SGCZ: variants seen among roughly 807,000 people sequenced by gnomAD.
SGCZ encodes sarcoglycan zeta, also known as zeta-sarcoglycan.
Under a neutral mutation model 41.3 loss-of-function variants are expected in SGCZ, and 40 were observed. The observed-to-expected ratio is 0.97, with a 90% CI of 0.75 to 1.26. The LOEUF is 1.26. Among genes scored for constraint, SGCZ ranks in the 50% most tolerant of loss-of-function variants. SGCZ has a pLI of 0.00. For synonymous variants in SGCZ, 206 were observed against 137.5 expected (o/e 1.50, Z -3.49); for missense variants, 552 against 369.8 (o/e 1.49, Z -4.04).
rs190760388 is a variant in SGCZ at position 14,637,110 on chromosome 8, T to A, written c.40-82184A>T. Among the ~76,000 whole-genome samples the A allele has an allele frequency of 5.3e-5, 8 of 151,600 alleles. No homozygotes were observed. In the East Asian group the frequency reaches 1.6e-3, roughly 30 times the overall value. On this transcript the variant is annotated intron_variant, in intron 1 of 7. Coordinates refer to ENST00000382080, the MANE Select transcript of SGCZ (RefSeq NM_139167.4). ...CTCCACCTATCATTTTTTGCTCCTTTCCTTAAAGAATTTCTCATACCTCTG... is the reference window on the plus strand; with the variant it reads ...CTCCACCTATCATTTTTTGCTCCTTACCTTAAAGAATTTCTCATACCTCTG...
intron 1 of SGCZ, among the ~76,000 whole-genome samples, chr8:14,828,261 G>C (rs912383452): frequency 6.6e-6 from 1 of 152,168 alleles, no homozygotes; most frequent in East Asian, 1.9e-4. Flanking sequence ...TGATATTGAA[G>C]ATGAAGCCTG....
intron 1 of SGCZ, among the ~76,000 whole-genome samples, chr8:15,122,583 CG>C (rs1807523629): frequency 6.6e-6 from 1 of 151,974 alleles, no homozygotes; most frequent in African/African-American, 2.4e-5. Context: ...AAGAAGACAG[CG>C]AATAAAAAGA....
At chr8:14,205,969 G>T (rs998514358) in intron 4 of SGCZ, among the ~76,000 whole-genome samples, 2 of 151,976 alleles carry the variant, frequency 1.3e-5, no homozygotes, top group Non-Finnish European at 2.9e-5. Flanking sequence ...TAAGAAAGTT[G>T]ACCAGATTTA....
intron 1 of SGCZ, among the ~76,000 whole-genome samples, chr8:15,205,250 A>G (rs928206327): frequency 1.3e-5 from 2 of 152,210 alleles, no homozygotes; most frequent in African/African-American, 2.4e-5. Context: ...AACCAAATTG[A>G]CAAGTGGGAT....
intron 1 of SGCZ, among the ~76,000 whole-genome samples, chr8:15,123,265 T>A (rs1271590065): frequency 6.6e-6 from 1 of 152,218 alleles, no homozygotes; most frequent in East Asian, 1.9e-4. Context: ...CAGTTCTTTT[T>A]CCTTGATAAA....
intron 2 of SGCZ, among the ~76,000 whole-genome samples, chr8:14,445,739 C>A (rs1445583467): frequency 6.6e-6 from 1 of 152,180 alleles, no homozygotes; most frequent in Non-Finnish European, 1.5e-5. Context: ...GGCAGCCTCC[C>A]CAGGTGATGT....
chr8:14,395,321 G>A (rs987367005), intron 2 of SGCZ, among the ~76,000 whole-genome samples: 1 of 152,134 alleles, frequency 6.6e-6, no homozygotes, highest in African/African-American at 2.4e-5. Context: ...AAAAGAGTAG[G>A]ATTCTGAAAC....
intron 1 of SGCZ, among the ~76,000 whole-genome samples, chr8:14,843,883 G>A (rs1191730759): frequency 4.0e-5 from 6 of 151,840 alleles, no homozygotes; most frequent in Non-Finnish European, 2.9e-5. Flanking sequence ...TCAAGAGAAG[G>A]CCACCCAAAT....
At chr8:14,926,974 G>C (rs1015027746) in intron 1 of SGCZ, among the ~76,000 whole-genome samples, 1 of 151,734 alleles carries the variant, frequency 6.6e-6, no homozygotes, top group Non-Finnish European at 1.5e-5. Flanking sequence ...GACATCAAAA[G>C]TCTTTCCTTA....
intron 2 of SGCZ, among the ~76,000 whole-genome samples, chr8:14,489,294 A>G (rs1801772705): frequency 6.6e-6 from 1 of 152,146 alleles, no homozygotes; most frequent in African/African-American, 2.4e-5. Flanking sequence ...TGTGTCTACA[A>G]TTTGGCATAT....
At chr8:14,224,480 C>T (rs1022877042) in intron 4 of SGCZ, among the ~76,000 whole-genome samples, 5 of 152,084 alleles carry the variant, frequency 3.3e-5, no homozygotes, top group Non-Finnish European at 7.4e-5. Context: ...GCTGCGCTGC[C>T]CTGGCTTTGT....
chr8:14,158,413 C>T (rs140678030), intron 5 of SGCZ, among the ~76,000 whole-genome samples: 67 of 152,224 alleles, frequency 4.4e-4, no homozygotes, highest in East Asian at 4.3e-3. Flanking sequence ...AATGTATTCC[C>T]AACAGCTATA....
Position 14,681,541 on chromosome 8 carries a change from C to G in SGCZ, c.40-126615G>C, listed in dbSNP as rs368668575. On this transcript the variant is annotated intron_variant, in intron 1 of 7. Coordinates refer to ENST00000382080, the MANE Select transcript of SGCZ (RefSeq NM_139167.4). ...ATGTTACCTTGCCTGGATCATGTTGCTCGGACTTCGAATGATATAAAGAGA... is the reference window on the plus strand; with the variant it reads ...ATGTTACCTTGCCTGGATCATGTTGGTCGGACTTCGAATGATATAAAGAGA... 1.7e-3 allele frequency among the ~76,000 whole-genome samples: 265 copies of G among 152,272 alleles called. 1 individual carries two copies. In the South Asian group the frequency reaches 0.02, roughly 12 times the overall value.
chr8:14,325,798 C>A lies in SGCZ; in HGVS notation c.235-1594G>T, dbSNP rs867715854. ...TATATATATATATATATATATCAACCAGCACATCCACAGAAAGGGATGAGG... is the reference window on the plus strand; with the variant it reads ...TATATATATATATATATATATCAACAAGCACATCCACAGAAAGGGATGAGG... On this transcript the variant is annotated intron_variant, in intron 2 of 7. Coordinates refer to ENST00000382080, the MANE Select transcript of SGCZ (RefSeq NM_139167.4). Among the ~76,000 whole-genome samples, 142 of 117,690 alleles carry A rather than the reference C, an allele frequency of 1.2e-3. 1 individual carries two copies. The highest frequency in any genetic ancestry group is 4.4e-3 in the African/African-American group (138 of 31,566). 77.2% of individuals were successfully genotyped at this position (117,690 alleles called of 152,430 possible). A position where few individuals can be genotyped will look rare whatever the true frequency, so the allele number is the denominator to read the frequency against.
Position 14,542,560 on chromosome 8 carries a change from C to T in SGCZ, c.234+12172G>A, listed in dbSNP as rs116333230. On this transcript the variant is annotated intron_variant, in intron 2 of 7. Transcript: ENST00000382080. ...TTGTCCATCCTGTTACTTAGAGCACCGAGCTATTTATACACAGATTCTATT... is the reference window on the plus strand; with the variant it reads ...TTGTCCATCCTGTTACTTAGAGCACTGAGCTATTTATACACAGATTCTATT... Among the ~76,000 whole-genome samples, 1,214 of 152,136 alleles carry T rather than the reference C, an allele frequency of 8.0e-3. 17 individuals are homozygous for T. Among genetic ancestry groups the T allele is most frequent in the African/African-American group, 0.028 (1,161 of 41,534 alleles).
chr8:14,813,392 A>C (rs1585283598), intron 1 of SGCZ, among the ~76,000 whole-genome samples: 1 of 152,342 alleles, frequency 6.6e-6, no homozygotes, highest in East Asian at 1.9e-4. Flanking sequence ...TGCAACCAAA[A>C]GCTTATGGAA....
At chr8:14,277,523 A>T (rs1209390047) in intron 3 of SGCZ, among the ~76,000 whole-genome samples, 4 of 152,156 alleles carry the variant, frequency 2.6e-5, no homozygotes, top group African/African-American at 9.7e-5. Flanking sequence ...CTGAAGGGTA[A>T]CCTTTTTATT....
chr8:14,297,093 T>C (rs1169860658), intron 3 of SGCZ, among the ~76,000 whole-genome samples: 1 of 152,058 alleles, frequency 6.6e-6, no homozygotes, highest in East Asian at 1.9e-4. Context: ...AGCTAATTTT[T>C]TGTATTTTTG....
chr8:14,476,454 A>G (rs1267321259), intron 2 of SGCZ, among the ~76,000 whole-genome samples: 1 of 151,928 alleles, frequency 6.6e-6, no homozygotes, highest in Non-Finnish European at 1.5e-5. Context: ...TAATATATAT[A>G]TGTATGCATG....
Sources: allele counts gnomAD v4.1 joint callset (sites outside exome capture counted in the v4.1 genomes callset), GRCh38; gene constraint gnomAD v4.1.1; transcripts MANE v1.5; gene names NCBI Gene and HGNC (gene_info 2026-07-23, HGNC 2026-07-21).